Variants in FAM174B observed in about 807,000 individuals in gnomAD.
FAM174B encodes the protein family with sequence similarity 174 member B, also known as membrane protein FAM174B.
FAM174B carries 12 observed loss-of-function variants against 10.9 expected under a neutral mutation model. That is an observed-to-expected ratio of 1.10 (90% confidence interval 0.71 to 1.79). The LOEUF is 1.79. FAM174B is among the 40% of genes most tolerant of loss of function. The probability of loss-of-function intolerance (pLI) is 0.00; values close to 1 mark genes in which losing one functional copy is unlikely to be tolerated. For synonymous variants in FAM174B, 132 were observed against 115.8 expected (o/e 1.14, Z -0.90); for missense variants, 266 against 233.3 (o/e 1.14, Z -0.91).
rs530820537 is a variant in FAM174B at position 92,619,273 on chromosome 15, C to T, written c.*183G>A. ...CAACTCCATTGTGGTGACGTGGAAA[C>T]GAGCTTGCCAGTGACAGTCTGAGCA... is the stretch of plus-strand genomic sequence containing the variant. On this transcript the variant is annotated 3_prime_UTR_variant, in exon 3 of 3. Transcript: ENST00000327355. The T allele has an allele frequency of 1.8e-5, 13 of 740,330 alleles. No individual in the cohort carries two copies. Among genetic ancestry groups the T allele is most frequent in the African/African-American group, 6.9e-5 (4 of 57,868 alleles). The allele number at this position is 740,330 out of a possible 1,614,324, so 45.9% of individuals were successfully genotyped here.
At chr15:92,622,838 T>C (rs967372443) in intron 2 of FAM174B, among the ~76,000 whole-genome samples, 1 of 152,128 alleles carries the variant, frequency 6.6e-6, no homozygotes, top group Non-Finnish European at 1.5e-5. Context: ...CCTTCCTCTG[T>C]GAGAGGGCTT....
Position 92,655,526 on chromosome 15 carries a change from G to A in FAM174B, c.134C>T (p.Pro45Leu). ...GTTCCCGGGCCCCGGGCCGGGCGGT[G>A]GCCGCGACTCGCGCTCGGGTTCGGG... ...PWPEPERESR[P>L]PPGPGPGNTT... The change falls in exon 1 of 3, where the codon CCA (proline) becomes CTA (leucine). Residue 45 changes from proline to leucine, a missense_variant. By Grantham distance (98) the Pro-to-Leu change is moderately conservative. Coordinates refer to ENST00000327355, the MANE Select transcript of FAM174B (RefSeq NM_207446.3). 3 of 1,489,430 alleles carry A rather than the reference G, an allele frequency of 2.0e-6. No individual in the cohort carries two copies. Among genetic ancestry groups the A allele is most frequent in the Non-Finnish European group, 2.7e-6 (3 of 1,120,048 alleles). 92.3% of individuals were successfully genotyped at this position (1,489,430 alleles called of 1,614,324 possible).
intron 1 of FAM174B, among the ~76,000 whole-genome samples, chr15:92,633,550 C>T (rs961179044): frequency 2.6e-5 from 4 of 151,948 alleles, no homozygotes; most frequent in Admixed American, 6.6e-5. Context: ...CTTTCATCAC[C>T]GGTATACACA....
At chr15:92,627,860 T>C (rs983438718) in intron 2 of FAM174B, among the ~76,000 whole-genome samples, 2 of 152,230 alleles carry the variant, frequency 1.3e-5, no homozygotes, top group African/African-American at 4.8e-5. Flanking sequence ...CTTCTTTGTA[T>C]TGAATGTGAG....
intron 1 of FAM174B, among the ~76,000 whole-genome samples, chr15:92,648,318 G>T (rs1355081139): frequency 2.0e-5 from 3 of 152,112 alleles, no homozygotes; most frequent in African/African-American, 7.2e-5. Flanking sequence ...TCAACAAAGG[G>T]CATTATCCTA....
At chr15:92,647,926 T>A (rs139706500) in intron 1 of FAM174B, among the ~76,000 whole-genome samples, 1 of 152,200 alleles carries the variant, frequency 6.6e-6, no homozygotes, top group African/African-American at 2.4e-5. Flanking sequence ...GGAGGCTTCA[T>A]CTACATAACA....
At chr15:92,636,473 C>T (rs2050856897) in intron 1 of FAM174B, among the ~76,000 whole-genome samples, 1 of 152,200 alleles carries the variant, frequency 6.6e-6, no homozygotes, top group Non-Finnish European at 1.5e-5. Flanking sequence ...CTCAGGGAAG[C>T]CGACTTGCCC....
At chr15:92,631,229 AATATATT>A (rs1426598349) in intron 1 of FAM174B, among the ~76,000 whole-genome samples, 1 of 2,680 alleles carries the variant, frequency 3.7e-4, no homozygotes, top group African/African-American at 8.1e-4. Flanking sequence ...TATTATATAT[AATATATT>A]ATATATTATA....
At chr15:92,652,205 G>A (rs190428719) in intron 1 of FAM174B, among the ~76,000 whole-genome samples, 2 of 152,200 alleles carry the variant, frequency 1.3e-5, no homozygotes, top group Non-Finnish European at 2.9e-5. Context: ...GTCCTGCTCA[G>A]AAGAAGTTCG....
Position 92,655,602 on chromosome 15 carries a change from C to A in FAM174B, c.58G>T (p.Ala20Ser). The A allele has an allele frequency of 2.3e-6, 3 of 1,280,416 alleles. No individual in the cohort carries two copies. Among genetic ancestry groups the A allele is most frequent in the Non-Finnish European group, 3.0e-6 (3 of 1,016,334 alleles). The allele number at this position is 1,280,416 out of a possible 1,614,324, so 79.3% of individuals were successfully genotyped here. A position where few individuals can be genotyped will look rare whatever the true frequency, so the allele number is the denominator to read the frequency against. ...CTGCTGGCGCGGGCGGCGGGAGCGG[C>A]CAGGAGCGCGAGCAGCAGCAGCGGC... ...LLPLLLLALLAAPAARASRAE... is the reference protein window; with the variant it reads ...LLPLLLLALLSAPAARASRAE... Residue 20 changes from alanine (A) to serine (S), a missense_variant, in exon 1 of 3, where the codon GCC becomes TCC. By Grantham distance (99) the Ala-to-Ser change is moderately conservative (BLOSUM62 1). Coordinates refer to ENST00000327355, the MANE Select transcript of FAM174B (RefSeq NM_207446.3).
In FAM174B at chr15:92,655,691, G is replaced by A. The variant is rs1486326279; in HGVS notation, c.-32C>T. 11 of 1,237,148 alleles carry A rather than the reference G, an allele frequency of 8.9e-6. No individual in the cohort carries two copies. The highest frequency in any genetic ancestry group is 1.1e-5 in the Non-Finnish European group (11 of 991,024). The allele number at this position is 1,237,148 out of a possible 1,614,324, so 76.6% of individuals were successfully genotyped here. ...GTGGGTCGGCACAGGATCGGGCAGG[G>A]CGCGCGCGGCTGAGCTCCAGGATCC... On this transcript the variant is annotated 5_prime_UTR_variant, in exon 1 of 3. Transcript: ENST00000327355.
At chr15:92,638,612 C>A (rs1380580501) in intron 1 of FAM174B, among the ~76,000 whole-genome samples, 3 of 152,342 alleles carry the variant, frequency 2.0e-5, no homozygotes, top group South Asian at 4.1e-4. Context: ...CCCTGCAATT[C>A]CCCTGTTGGT....
rs1567045261 is a variant in FAM174B, at chr15:92,631,301, TAA to T, written c.345-958_345-957del. Among the ~76,000 whole-genome samples, 29 of 9,208 alleles carry T rather than the reference TAA, an allele frequency of 3.1e-3. 5 individuals carry two copies. The highest frequency in any genetic ancestry group is 8.5e-3 in the South Asian group (2 of 236). The allele number at this position is 9,208 out of a possible 152,430, so 6.0% of individuals were successfully genotyped here. A position where few individuals can be genotyped will look rare whatever the true frequency, so the allele number is the denominator to read the frequency against. On this transcript the variant is annotated intron_variant, in intron 1 of 2. Coordinates refer to ENST00000327355, the MANE Select transcript of FAM174B (RefSeq NM_207446.3). ...TATATAATATATTATATATTATATA[TAA>T]TATATTATATATAATATTATATATA... is the stretch of plus-strand genomic sequence containing the variant.
chr15:92,640,701 G>A (rs2050886047), intron 1 of FAM174B, among the ~76,000 whole-genome samples: 1 of 151,744 alleles, frequency 6.6e-6, no homozygotes, highest in Non-Finnish European at 1.5e-5. Context: ...CAGGAGTGCA[G>A]TGGCATGATT....
At chr15:92,648,520 T>C (rs285772) in intron 1 of FAM174B, among the ~76,000 whole-genome samples, 30,536 of 151,958 alleles carry the variant, frequency 0.2, 3,379 homozygotes, top group African/African-American at 0.28. Flanking sequence ...ATCTTGGAGG[T>C]CCAAAAAGGG....
chr15:92,626,383 C>G (rs1390869367), intron 2 of FAM174B, among the ~76,000 whole-genome samples: 1 of 152,116 alleles, frequency 6.6e-6, no homozygotes, highest in Non-Finnish European at 1.5e-5. Context: ...AGGCGCGTGC[C>G]ACCGCACCCA....
intron 1 of FAM174B, 149 bp from the exon 2 acceptor site, chr15:92,630,494 G>C (rs889949157): frequency 2.4e-5 from 18 of 740,502 alleles, no homozygotes; most frequent in Non-Finnish European, 3.0e-5. Flanking sequence ...TCTGATGGAA[G>C]GCAAACCACA....
At chr15:92,633,895 G>A (rs1449434178) in intron 1 of FAM174B, among the ~76,000 whole-genome samples, 2 of 152,018 alleles carry the variant, frequency 1.3e-5, no homozygotes, top group Non-Finnish European at 2.9e-5. Flanking sequence ...CTGGCAGGGG[G>A]AAATTTAAGC....
At position 92,619,452 on chromosome 15, in the gene FAM174B, GGTTTTA is replaced by G; in HGVS notation, c.478_*3del. ...CAGGATGCCACCAGGCTGGGAAACA[GGTTTTA>G]CCTAAAAGAAAGGGAAGGACAAGAG... On this transcript the variant is annotated stop_lost and splice_region_variant and 3_prime_UTR_variant, in exon 3 of 3. Coordinates refer to ENST00000327355, the MANE Select transcript of FAM174B (RefSeq NM_207446.3). 1 of 1,613,822 alleles carries G rather than the reference GGTTTTA, an allele frequency of 6.2e-7. No individual in the cohort carries two copies. Among genetic ancestry groups the G allele is most frequent in the Non-Finnish European group, 8.5e-7 (1 of 1,179,804 alleles).
Sources: gnomAD v4.1 joint callset for allele counts (sites outside exome capture counted in the v4.1 genomes callset) on GRCh38, gnomAD v4.1.1 for gene constraint, MANE v1.5 for transcripts, NCBI Gene and HGNC (gene_info 2026-07-23, HGNC 2026-07-21) for gene names.